DLGAP1: variants seen among roughly 807,000 people sequenced by gnomAD.
DLGAP1 encodes disks large-associated protein 1.
A neutral mutation model predicts 90.8 loss-of-function variants in DLGAP1; 11 were observed. The observed-to-expected ratio is 0.12, with a 90% CI of 0.08 to 0.20. The LOEUF is 0.20. Ranked by LOEUF, DLGAP1 falls within the 10% of genes least tolerant of loss-of-function variation. The pLI, the probability that DLGAP1 is intolerant of heterozygous loss-of-function variation, is 1.00. For synonymous variants in DLGAP1, 558 were observed against 540.7 expected, an observed-to-expected ratio of 1.03 and a Z score of -0.44; for missense variants, 1,050 against 1,333.8, an observed-to-expected ratio of 0.79 and a Z score of 3.31.
chr18:4,381,611 A>G (rs1345792410), intron 1 of DLGAP1, among the ~76,000 whole-genome samples: 1 of 152,108 alleles, frequency 6.6e-6, no homozygotes, highest in Non-Finnish European at 1.5e-5. Context: ...GAATCTGACA[A>G]TGGAGTCCCC....
rs1420707317 is a variant in DLGAP1, at chr18:4,343,215, G to A, written c.-267+111791C>T. Among the ~76,000 whole-genome samples the A allele has an allele frequency of 2.0e-5, 3 of 151,778 alleles. No homozygotes were observed. The East Asian group carries it at 5.8e-4, about 30-fold the overall frequency. ...CCAGCTACTCGGGAGGCTGAGGCAG[G>A]AGAATGGCGTGAACCCAGGAGGCAG... On this transcript the variant is annotated intron_variant, in intron 1 of 12. Coordinates refer to ENST00000315677, the MANE Select transcript of DLGAP1 (RefSeq NM_004746.4).
At chr18:4,066,914 T>C (rs1223292306) in intron 2 of DLGAP1, among the ~76,000 whole-genome samples, 1 of 152,136 alleles carries the variant, frequency 6.6e-6, no homozygotes, top group Non-Finnish European at 1.5e-5. Context: ...AGCAAAGACA[T>C]GCAATCAATC....
chr18:4,058,473 G>C (rs2075254240), intron 2 of DLGAP1, among the ~76,000 whole-genome samples: 1 of 152,204 alleles, frequency 6.6e-6, no homozygotes, highest in Non-Finnish European at 1.5e-5. Flanking sequence ...TTTTGAAGCA[G>C]TTTTTCTGCC....
At chr18:3,821,003 G>C (rs2067376891) in intron 4 of DLGAP1, among the ~76,000 whole-genome samples, 1 of 152,322 alleles carries the variant, frequency 6.6e-6, no homozygotes, top group Non-Finnish European at 1.5e-5. Flanking sequence ...GATTCAAAAA[G>C]GTAAAATGCA....
chr18:4,408,570 T>C (rs952454654), intron 1 of DLGAP1, among the ~76,000 whole-genome samples: 1 of 151,728 alleles, frequency 6.6e-6, no homozygotes. Context: ...ATACGAGACG[T>C]ATTGGCATTT....
intron 1 of DLGAP1, among the ~76,000 whole-genome samples, chr18:4,365,834 A>G (rs187779030): frequency 2.0e-5 from 3 of 152,296 alleles, no homozygotes; most frequent in African/African-American, 7.2e-5. Context: ...TTTGAAATTA[A>G]AAGTTCTATT....
chr18:4,401,905 C>A (rs11876849), intron 1 of DLGAP1, among the ~76,000 whole-genome samples: 14,322 of 152,220 alleles, frequency 0.094, 1,207 homozygotes, highest in African/African-American at 0.23. Context: ...TTCCCTCCCC[C>A]ATTGACTATA....
At chr18:4,346,171 T>G (rs2143916676) in intron 1 of DLGAP1, among the ~76,000 whole-genome samples, 1 of 152,308 alleles carries the variant, frequency 6.6e-6, no homozygotes, top group East Asian at 1.9e-4. Context: ...ATCTTTTAAC[T>G]TACAGTTCAG....
chr18:3,792,736 A>G (rs747372441), intron 5 of DLGAP1, among the ~76,000 whole-genome samples: 3 of 152,150 alleles, frequency 2.0e-5, no homozygotes, highest in Non-Finnish European at 2.9e-5. Flanking sequence ...GTGTCAGCCC[A>G]GATTGAGCCT....
At chr18:3,971,342 A>AT (rs915307771) in intron 3 of DLGAP1, among the ~76,000 whole-genome samples, 30 of 151,942 alleles carry the variant, frequency 2.0e-4, no homozygotes, top group Admixed American at 5.2e-4. Flanking sequence ...GTGGCTTAAC[A>AT]TTTTTTTTGA....
intron 4 of DLGAP1, among the ~76,000 whole-genome samples, chr18:3,846,460 G>A (rs932844645): frequency 1.9e-4 from 29 of 152,142 alleles, no homozygotes; most frequent in Non-Finnish European, 4.4e-5. Context: ...TATACCAGGA[G>A]AAATGAAAGC....
At chr18:4,421,378 T>C (rs777999912) in intron 1 of DLGAP1, among the ~76,000 whole-genome samples, 11 of 152,140 alleles carry the variant, frequency 7.2e-5, no homozygotes, top group Non-Finnish European at 1.5e-4. Flanking sequence ...GAGAATCTAG[T>C]ATAGTCCAGT....
chr18:3,694,034 AC>A (rs879757943), intron 7 of DLGAP1, among the ~76,000 whole-genome samples: 42 of 107,026 alleles, frequency 3.9e-4, no homozygotes, highest in South Asian at 9.3e-4. Flanking sequence ...TCCCCTAGCC[AC>A]CCCCCCCTCA....
chr18:3,628,150 A>G (rs1322102233), intron 7 of DLGAP1, among the ~76,000 whole-genome samples: 2 of 147,232 alleles, frequency 1.4e-5, no homozygotes, highest in African/African-American at 5.1e-5. Flanking sequence ...TGGTGGGATT[A>G]CAGGCGTGAG....
intron 1 of DLGAP1, among the ~76,000 whole-genome samples, chr18:4,392,933 C>CCTCCCTCTCCCT (rs34051804): frequency 0.14 from 21,269 of 152,084 alleles, 2,848 homozygotes; most frequent in African/African-American, 0.35. Context: ...ATCTTTGTTC[C>CCTCCCTCTCCCT]CACCCTCATG....
chr18:4,028,313 C>CCATAG (rs1339941139), intron 2 of DLGAP1, among the ~76,000 whole-genome samples: 165 of 152,282 alleles, frequency 1.1e-3, no homozygotes, highest in Admixed American at 1.8e-3. Context: ...AATACAAAAA[C>CCATAG]ACATAATAGA....
In DLGAP1 at chr18:4,030,069, T is replaced by C. The variant is rs576473618; in HGVS notation, c.-158-24868A>G. Among the ~76,000 whole-genome samples, 4 of 152,286 alleles carry C rather than the reference T, an allele frequency of 2.6e-5. No homozygotes were observed. In the East Asian group the frequency reaches 7.7e-4, roughly 29 times the overall value. On this transcript the variant is annotated intron_variant, in intron 2 of 12. Transcript: ENST00000315677. ...GAGCAGTGGCGCGATCTCGGCTCAC[T>C]GCAATGTCCACCTCCTGGATTCAAG... is the stretch of plus-strand genomic sequence containing the variant.
At chr18:4,183,092 G>A (rs539861669) in intron 1 of DLGAP1, among the ~76,000 whole-genome samples, 2 of 152,072 alleles carry the variant, frequency 1.3e-5, no homozygotes, top group East Asian at 3.9e-4. Flanking sequence ...GAAACCAAAA[G>A]AAAAAATATG....
chr18:3,950,126 T>TA (rs1485491433), intron 3 of DLGAP1, among the ~76,000 whole-genome samples: 1 of 152,130 alleles, frequency 6.6e-6, no homozygotes, highest in East Asian at 1.9e-4. Context: ...ATTTACCACT[T>TA]AAAGAATAAT....
Sources: allele counts gnomAD v4.1 joint callset (sites outside exome capture counted in the v4.1 genomes callset), GRCh38; gene constraint gnomAD v4.1.1; transcripts MANE v1.5; gene names NCBI Gene and HGNC (gene_info 2026-07-23, HGNC 2026-07-21).